Variants in AKR1B15 observed in about 807,000 individuals in gnomAD.
The protein encoded by AKR1B15 is estradiol 17-beta-dehydrogenase AKR1B15.
A neutral mutation model predicts 38.5 loss-of-function variants in AKR1B15; 49 were observed. That is an observed-to-expected ratio of 1.27 (90% CI 1.01 to 1.62). The LOEUF is 1.62. Ranked by LOEUF, AKR1B15 falls within the 40% of genes most tolerant of loss-of-function variation. AKR1B15 has a pLI of 0.00. For synonymous variants in AKR1B15, 137 were observed against 135.5 expected (o/e 1.01, Z -0.08); for missense variants, 411 against 381.6 (o/e 1.08, Z -0.64).
At chr7:134,554,686 G>C (rs1339418274) in intron 1 of AKR1B15, among the ~76,000 whole-genome samples, 1 of 152,172 alleles carries the variant, frequency 6.6e-6, no homozygotes, top group East Asian at 1.9e-4. Flanking sequence ...AACCACACTT[G>C]GCAGGGTATA....
At chr7:134,562,867 T>TTTCTTTCTTTC (rs1440174260) in intron 2 of AKR1B15, among the ~76,000 whole-genome samples, 7 of 142,834 alleles carry the variant, frequency 4.9e-5, no homozygotes, top group African/African-American at 1.7e-4. Context: ...TCTTTCTTTC[T>TTTCTTTCTTTC]TTCTTTCTTT....
intron 3 of AKR1B15, among the ~76,000 whole-genome samples, chr7:134,566,237 G>A (rs976212663): frequency 2.8e-4 from 42 of 152,320 alleles, no homozygotes; most frequent in East Asian, 5.8e-4. Context: ...CAAGGCTGCA[G>A]TGAGCAGTGA....
intron 10 of AKR1B15, among the ~76,000 whole-genome samples, chr7:134,577,411 G>A (rs1018379440): frequency 6.6e-6 from 1 of 152,216 alleles, no homozygotes; most frequent in Non-Finnish European, 1.5e-5. Context: ...TGTCCTTGGA[G>A]AAGTGTCCTC....
At chr7:134,573,585 C>T in intron 6 of AKR1B15, 3 of 975,906 alleles carry the variant, frequency 3.1e-6, no homozygotes, top group South Asian at 4.7e-5. Context: ...CAGTAGAAAC[C>T]TCATTGACTA....
At position 134,579,492 on chromosome 7, in the gene AKR1B15, TC is replaced by T. The variant is rs758834563; in HGVS notation, c.993-14del. The stretch of plus-strand genomic sequence containing the variant: ...ATGGAACACAGTTTCTTTTTTTTTT[TC>T]TCTCTCTCTGTAGATTCTCTCATTT... On this transcript the variant is annotated splice_polypyrimidine_tract_variant and intron_variant, in intron 11 of 11. Transcript: ENST00000457545. 160 of 1,545,462 alleles carry T rather than the reference TC, an allele frequency of 1.0e-4. No individual in the cohort carries two copies. The highest frequency in any genetic ancestry group is 5.0e-4 in the Admixed American group (25 of 49,818).
intron 6 of AKR1B15, among the ~76,000 whole-genome samples, chr7:134,572,647 A>G (rs1469288808): frequency 6.6e-6 from 1 of 151,316 alleles, no homozygotes; most frequent in East Asian, 1.9e-4. Flanking sequence ...AAAAAAAAAG[A>G]AAAAAGAAAA....
At chr7:134,562,295 C>T (rs1049681000) in intron 2 of AKR1B15, among the ~76,000 whole-genome samples, 4 of 152,188 alleles carry the variant, frequency 2.6e-5, no homozygotes, top group Admixed American at 2.0e-4. Context: ...AAGAACAATG[C>T]TTCCACATCC....
At chr7:134,551,513 T>A in intron 1 of AKR1B15, among the ~76,000 whole-genome samples, 1 of 152,174 alleles carries the variant, frequency 6.6e-6, no homozygotes, top group Admixed American at 6.5e-5. Context: ...AGGGACCATA[T>A]CTGAAGAGAA....
Position 134,571,624 on chromosome 7 carries a change from C to T in AKR1B15, c.456C>T (p.Pro152=), listed in dbSNP as rs1418358486. The T allele has an allele frequency of 1.2e-6, 2 of 1,613,122 alleles. No individual in the cohort carries two copies. Among genetic ancestry groups the T allele is most frequent in the African/African-American group, 2.7e-5 (2 of 74,824 alleles). Residue 152 remains proline (P), a synonymous_variant, in exon 6 of 12, where the codon CCC becomes CCT. Coordinates refer to ENST00000457545, the MANE Select transcript of AKR1B15 (RefSeq NM_001080538.3). ...TACAGACTGGGGATGACTTTTTCCC[C>T]AAAGATGATAAAGGTAATATGATCA... ...QGFKTGDDFF[P]KDDKGNMISG... is the part of the protein sequence containing the mutation.
At chr7:134,575,634 T>C in intron 7 of AKR1B15, 92 bp downstream of exon 7, 1 of 1,584,112 alleles carries the variant, frequency 6.3e-7, no homozygotes. Context: ...CTGAGTCTTA[T>C]CTCAGGGGTC....
chr7:134,562,891 C>CTTTCTTTCTTTTCTTTCTTTCTTTCT (rs1562947138), intron 2 of AKR1B15, among the ~76,000 whole-genome samples: 1 of 61,082 alleles, frequency 1.6e-5, no homozygotes, highest in African/African-American at 5.5e-5. Context: ...TCTTTCTTTC[C>CTTTCTTTCTTTTCTTTCTTTCTTTCT]TTCTTTCTTC....
chr7:134,564,028 C>A (rs1052741224), intron 2 of AKR1B15, among the ~76,000 whole-genome samples: 1 of 152,152 alleles, frequency 6.6e-6, no homozygotes, highest in African/African-American at 2.4e-5. Context: ...CACCTGCAAC[C>A]TTAGTCTTCC....
chr7:134,574,438 C>T (rs1472063568), intron 6 of AKR1B15, among the ~76,000 whole-genome samples: 2 of 152,100 alleles, frequency 1.3e-5, no homozygotes, highest in Non-Finnish European at 2.9e-5. Flanking sequence ...CTGACAACTG[C>T]GGGCTGTGTG....
rs115659556 is a variant in AKR1B15 at position 134,568,052 on chromosome 7, A to C, written c.151-106A>C. ...TAATTCCAGCTACTCAGGAGTTGGG[A>C]GGATTGTTTGAACCTGGGAGTGTGA... On this transcript the variant is annotated intron_variant, in intron 3 of 11. Coordinates refer to ENST00000457545, the MANE Select transcript of AKR1B15 (RefSeq NM_001080538.3). 1.7e-3 allele frequency: 2,298 copies of C among 1,371,084 alleles called. 39 individuals carry two copies. In the African/African-American group the frequency reaches 0.03, roughly 18 times the overall value. The allele number at this position is 1,371,084 out of a possible 1,614,324, so 84.9% of individuals were successfully genotyped here.
intron 4 of AKR1B15, among the ~76,000 whole-genome samples, chr7:134,569,208 G>A (rs1472047874): frequency 6.6e-6 from 1 of 152,216 alleles, no homozygotes; most frequent in Non-Finnish European, 1.5e-5. Flanking sequence ...AGTTGAAAAA[G>A]TCAACTGCTT....
chr7:134,549,297 G>A (rs866903559), intron 1 of AKR1B15, 48 bp downstream of exon 1: 3 of 152,518 alleles, frequency 2.0e-5, no homozygotes, highest in Middle Eastern at 3.4e-3. Flanking sequence ...CGGCCCTGAC[G>A]AAGGTCCTCC....
intron 11 of AKR1B15, among the ~76,000 whole-genome samples, chr7:134,578,134 C>A (rs914831416): frequency 6.6e-6 from 1 of 152,166 alleles, no homozygotes; most frequent in East Asian, 1.9e-4. Flanking sequence ...CTGTACAAAG[C>A]TGCTGCCTCC....
intron 6 of AKR1B15, among the ~76,000 whole-genome samples, chr7:134,574,691 A>G (rs185553845): frequency 6.6e-6 from 1 of 152,346 alleles, no homozygotes; most frequent in African/African-American, 2.4e-5. Context: ...CTGCTAACAT[A>G]TATGATATCT....
In AKR1B15 at chr7:134,562,200, C is replaced by T. The variant is rs765099368; in HGVS notation, c.-22-2398C>T. On this transcript the variant is annotated intron_variant, in intron 2 of 11. Transcript: ENST00000457545. ...CTGGCTGACTTCAAGACTGGAGCAG[C>T]GGACCTTCACAGTGAGTGTTACAGT... Among the ~76,000 whole-genome samples the T allele has an allele frequency of 1.7e-3, 254 of 152,268 alleles. 2 individuals are homozygous for T. The highest frequency in any genetic ancestry group is 2.4e-3 in the Non-Finnish European group (162 of 68,028).
Sources: allele counts gnomAD v4.1 joint callset (sites outside exome capture counted in the v4.1 genomes callset), GRCh38; gene constraint gnomAD v4.1.1; transcripts MANE v1.5; gene names NCBI Gene and HGNC (gene_info 2026-07-23, HGNC 2026-07-21).